Variants in PTPRK observed in about 807,000 individuals in gnomAD.
The protein encoded by PTPRK is protein tyrosine phosphatase receptor type K, also known as receptor-type tyrosine-protein phosphatase kappa.
In PTPRK, 75 loss-of-function variants were observed where a neutral mutation model predicts 178.0. The observed-to-expected ratio is 0.42, with a 90% CI of 0.35 to 0.51. PTPRK has a LOEUF of 0.51. Ranked by LOEUF, PTPRK falls within the 20% of genes least tolerant of loss-of-function variation. The pLI, the probability that PTPRK is intolerant of heterozygous loss-of-function variation, is 0.02. For missense variants in PTPRK, 1,441 were observed against 1,797.8 expected (o/e 0.80, Z 3.59); for synonymous variants, 637 against 620.6 (o/e 1.03, Z -0.39).
intron 2 of PTPRK, among the ~76,000 whole-genome samples, chr6:128,342,301 A>AGC (rs1475662579): frequency 6.6e-6 from 1 of 152,170 alleles, no homozygotes; most frequent in African/African-American, 2.4e-5. Flanking sequence ...CCTAGGTTTC[A>AGC]GCACACACAC....
intron 1 of PTPRK, among the ~76,000 whole-genome samples, chr6:128,404,525 T>C (rs947227924): frequency 6.6e-6 from 1 of 152,224 alleles, no homozygotes; most frequent in Non-Finnish European, 1.5e-5. Flanking sequence ...TTGTTTTAAA[T>C]ACAGGTAACC....
At chr6:128,351,265 C>T (rs147300251) in intron 2 of PTPRK, among the ~76,000 whole-genome samples, 2 of 152,294 alleles carry the variant, frequency 1.3e-5, no homozygotes, top group East Asian at 3.9e-4. Context: ...TGTAAATCCA[C>T]ATCAACAGTA....
At chr6:128,398,292 T>A (rs1840604715) in intron 1 of PTPRK, among the ~76,000 whole-genome samples, 1 of 152,124 alleles carries the variant, frequency 6.6e-6, no homozygotes, top group East Asian at 1.9e-4. Flanking sequence ...CAATCAGAGG[T>A]ACTTTCAATT....
intron 7 of PTPRK, among the ~76,000 whole-genome samples, chr6:128,119,631 G>A (rs1792129143): frequency 1.3e-5 from 2 of 151,954 alleles, no homozygotes; most frequent in South Asian, 4.1e-4. Context: ...GACCAAATTG[G>A]CTTTGTCTCA....
chr6:128,019,564 T>C (rs1773155913), intron 13 of PTPRK, among the ~76,000 whole-genome samples: 1 of 152,096 alleles, frequency 6.6e-6, no homozygotes, highest in South Asian at 2.1e-4. Flanking sequence ...ACATGTTCCA[T>C]GCCCCATCTT....
chr6:128,084,407 T>C (rs1231614864), intron 8 of PTPRK, among the ~76,000 whole-genome samples: 1 of 152,188 alleles, frequency 6.6e-6, no homozygotes, highest in Non-Finnish European at 1.5e-5. Context: ...ATTATTACCA[T>C]ATTTAAAGAG....
chr6:128,227,872 A>G (rs1265925530), intron 5 of PTPRK, among the ~76,000 whole-genome samples: 2 of 152,164 alleles, frequency 1.3e-5, no homozygotes, highest in African/African-American at 4.8e-5. Flanking sequence ...ATCATTATTA[A>G]TTACTAGAAA....
chr6:128,430,876 C>A (rs1472134087), intron 1 of PTPRK, among the ~76,000 whole-genome samples: 3 of 152,056 alleles, frequency 2.0e-5, no homozygotes, highest in Admixed American at 6.5e-5. Flanking sequence ...AAAGAACAAG[C>A]ACATCCCACA....
intron 3 of PTPRK, among the ~76,000 whole-genome samples, chr6:128,296,107 C>T (rs1460683077): frequency 6.6e-6 from 1 of 152,010 alleles, no homozygotes; most frequent in Non-Finnish European, 1.5e-5. Flanking sequence ...TGACTCAATT[C>T]CCTCCCTGTC....
chr6:128,416,573 G>A (rs953464357), intron 1 of PTPRK, among the ~76,000 whole-genome samples: 6 of 151,074 alleles, frequency 4.0e-5, no homozygotes, highest in South Asian at 2.1e-4. Flanking sequence ...GCGTGAACCC[G>A]GGAGTCAGAG....
chr6:128,287,915 T>C (rs1270215455), intron 3 of PTPRK, among the ~76,000 whole-genome samples: 1 of 152,190 alleles, frequency 6.6e-6, no homozygotes, highest in Non-Finnish European at 1.5e-5. Context: ...CTTCTGATCA[T>C]GATTATCCTG....
chr6:128,440,375 T>G (rs1206628574), intron 1 of PTPRK, among the ~76,000 whole-genome samples: 1 of 152,132 alleles, frequency 6.6e-6, no homozygotes, highest in Admixed American at 6.6e-5. Context: ...TCTTTCTTTC[T>G]CAATCAAAAC....
intron 13 of PTPRK, among the ~76,000 whole-genome samples, chr6:128,025,127 TC>T (rs1774095078): frequency 6.6e-6 from 1 of 152,214 alleles, no homozygotes; most frequent in Admixed American, 6.5e-5. Flanking sequence ...TATTTCCAAA[TC>T]CTCAACAAAC....
In PTPRK at chr6:128,083,789, T is replaced by C. The variant is rs1010967885; in HGVS notation, c.1501A>G (p.Thr501Ala). 6.2e-7 allele frequency: 1 copy of C among 1,604,898 alleles called. No individual in the cohort carries two copies. The highest frequency in any genetic ancestry group is 2.3e-5 in the East Asian group (1 of 44,204). Residue 501 changes from threonine to alanine, a missense_variant, in exon 9 of 30, where the codon ACA (threonine) becomes GCA (alanine). Physicochemically the swap from Thr to Ala is moderately conservative, Grantham distance 58. Transcript: ENST00000368226. ...GPVPVKSLQGTSFENKIFLNW... is the reference protein window; with the variant it reads ...GPVPVKSLQGASFENKIFLNW... Reference sequence around the variant, plus strand: ...AAGAAGATCTTATTTTCAAAGGATGTTCCTTGAAGAGATTTTACTGGTACG... The same window carrying C: ...AAGAAGATCTTATTTTCAAAGGATGCTCCTTGAAGAGATTTTACTGGTACG...
chr6:128,484,009 C>CGAAAA lies in PTPRK; in HGVS notation c.100+36249_100+36250insTTTTC, dbSNP rs1469933749. ...CATGTATTTTCCCCTCTTCGTGGTT[C>CGAAAA]TGTTATGCATCCCTGGTTTCCCTTA... On this transcript the variant is annotated intron_variant, in intron 1 of 29. Transcript: ENST00000368226. Among the ~76,000 whole-genome samples the CGAAAA allele has an allele frequency of 1.2e-3, 184 of 152,112 alleles. 1 individual carries two copies. The highest frequency in any genetic ancestry group is 4.2e-3 in the African/African-American group (175 of 41,510).
chr6:128,425,032 T>C (rs1843950341), intron 1 of PTPRK, among the ~76,000 whole-genome samples: 1 of 151,964 alleles, frequency 6.6e-6, no homozygotes, highest in Non-Finnish European at 1.5e-5. Context: ...TTTGAGATTT[T>C]GGTGCAGCCA....
chr6:128,157,621 G>A (rs1436625681), intron 7 of PTPRK, among the ~76,000 whole-genome samples: 2 of 151,730 alleles, frequency 1.3e-5, no homozygotes, highest in Non-Finnish European at 2.9e-5. Flanking sequence ...GTATCTATAA[G>A]GATTGCCATT....
chr6:128,345,141 T>A (rs1243046055), intron 2 of PTPRK, among the ~76,000 whole-genome samples: 2 of 152,060 alleles, frequency 1.3e-5, no homozygotes, highest in African/African-American at 4.8e-5. Context: ...GTTTTTCCAC[T>A]TATATATCAT....
chr6:128,073,745 G>C (rs991914137), intron 11 of PTPRK, among the ~76,000 whole-genome samples: 1 of 151,918 alleles, frequency 6.6e-6, no homozygotes, highest in Non-Finnish European at 1.5e-5. Context: ...AAATTATAAT[G>C]ATTCTACCTA....
Sources: gnomAD v4.1 joint callset for allele counts (sites outside exome capture counted in the v4.1 genomes callset) on GRCh38, gnomAD v4.1.1 for gene constraint, MANE v1.5 for transcripts, NCBI Gene and HGNC (gene_info 2026-07-23, HGNC 2026-07-21) for gene names.